DCC: variants seen among roughly 807,000 people sequenced by gnomAD.
DCC encodes netrin receptor DCC.
In DCC, 58 loss-of-function variants were observed where a neutral mutation model predicts 172.5. That is an observed-to-expected ratio of 0.34 (90% CI 0.27 to 0.42). DCC has a LOEUF of 0.42. Among genes scored for constraint, DCC ranks in the 10% least tolerant of loss-of-function variants. The probability of loss-of-function intolerance (pLI) is 1.00; values close to 1 mark genes in which losing one functional copy is unlikely to be tolerated. For synonymous variants in DCC, 709 were observed against 644.5 expected (o/e 1.10, Z -1.52); for missense variants, 1,740 against 1,791.0 (o/e 0.97, Z 0.51).
intron 27 of DCC, 53 bp downstream of exon 27, chr18:53,499,563 A>G: frequency 7.0e-7 from 1 of 1,420,856 alleles, no homozygotes; most frequent in Non-Finnish European, 1.0e-6. Flanking sequence ...TGGTGCCTCT[A>G]TTTAAGTGCA....
chr18:52,856,584 C>T (rs1170265722), intron 2 of DCC, among the ~76,000 whole-genome samples: 1 of 135,858 alleles, frequency 7.4e-6, no homozygotes, highest in Non-Finnish European at 1.5e-5. Flanking sequence ...CGGGATTGCG[C>T]CACTGCACTC....
chr18:53,384,319 A>G (rs1245032125), intron 15 of DCC, among the ~76,000 whole-genome samples: 1 of 152,146 alleles, frequency 6.6e-6, no homozygotes, highest in African/African-American at 2.4e-5. Flanking sequence ...ATAAAGCCTG[A>G]TAATCTAATT....
At chr18:52,896,537 G>A (rs2039733250) in intron 2 of DCC, among the ~76,000 whole-genome samples, 1 of 152,168 alleles carries the variant, frequency 6.6e-6, no homozygotes, top group Non-Finnish European at 1.5e-5. Flanking sequence ...AGTATAATTT[G>A]ATTAGATTTT....
intron 1 of DCC, among the ~76,000 whole-genome samples, chr18:52,425,426 T>C (rs528585854): frequency 6.6e-6 from 1 of 152,110 alleles, no homozygotes; most frequent in Non-Finnish European, 1.5e-5. Context: ...TTGCAGAGTT[T>C]CAGTTGGTGT....
chr18:52,660,035 C>T (rs933940240), intron 1 of DCC, among the ~76,000 whole-genome samples: 3 of 151,984 alleles, frequency 2.0e-5, no homozygotes, highest in African/African-American at 7.2e-5. Flanking sequence ...AATTTTTTGC[C>T]TTCGAATTCC....
intron 1 of DCC, among the ~76,000 whole-genome samples, chr18:52,735,348 CT>C (rs2036708931): frequency 1.3e-5 from 2 of 152,152 alleles, no homozygotes; most frequent in South Asian, 4.1e-4. Context: ...GAATCACTTA[CT>C]TTGTCCCTCT....
chr18:52,618,431 G>A (rs1598961595), intron 1 of DCC, among the ~76,000 whole-genome samples: 1 of 152,130 alleles, frequency 6.6e-6, no homozygotes, highest in East Asian at 1.9e-4. Flanking sequence ...ACCAAAAAAT[G>A]TCTCTCTCTA....
intron 1 of DCC, among the ~76,000 whole-genome samples, chr18:52,694,212 G>A (rs79765649): frequency 0.03 from 4,583 of 152,050 alleles, 243 homozygotes; most frequent in African/African-American, 0.1. Context: ...TTTGCAAAAC[G>A]CCTGGCCAGT....
At chr18:53,432,182 T>A (rs909561712) in intron 21 of DCC, among the ~76,000 whole-genome samples, 1 of 152,168 alleles carries the variant, frequency 6.6e-6, no homozygotes, top group South Asian at 2.1e-4. Context: ...AGTAGTAAGT[T>A]TATAGTAATA....
chr18:52,816,774 T>C (rs1206862066), intron 2 of DCC: 1 of 152,172 alleles, frequency 6.6e-6, no homozygotes, highest in South Asian at 2.1e-4. Flanking sequence ...TTATATTTCC[T>C]GAAACACCAG....
At chr18:53,332,188 A>G (rs1339024311) in intron 14 of DCC, among the ~76,000 whole-genome samples, 1 of 152,210 alleles carries the variant, frequency 6.6e-6, no homozygotes, top group African/African-American at 2.4e-5. Context: ...AGAGCTGTCA[A>G]AACTCCCTTT....
chr18:52,501,271 G>T (rs16955089), intron 1 of DCC, among the ~76,000 whole-genome samples: 8,707 of 152,130 alleles, frequency 0.057, 304 homozygotes, highest in South Asian at 0.12. Flanking sequence ...GATGGAGCAG[G>T]TATCTGGCAC....
At chr18:52,823,579 G>A (rs1226113183) in intron 2 of DCC, among the ~76,000 whole-genome samples, 1 of 152,078 alleles carries the variant, frequency 6.6e-6, no homozygotes, top group Non-Finnish European at 1.5e-5. Flanking sequence ...ACTTACTAAG[G>A]TGGGAGATGT....
intron 13 of DCC, among the ~76,000 whole-genome samples, chr18:53,318,922 A>G (rs1568053366): frequency 6.6e-6 from 1 of 152,174 alleles, no homozygotes; most frequent in African/African-American, 2.4e-5. Flanking sequence ...TCTCTGCAGA[A>G]ACACTGCAAG....
At chr18:52,983,592 C>A (rs1223694863) in intron 5 of DCC, among the ~76,000 whole-genome samples, 1 of 152,112 alleles carries the variant, frequency 6.6e-6, no homozygotes, top group Non-Finnish European at 1.5e-5. Flanking sequence ...CACCCGTCAC[C>A]TTCTTTTCCT....
intron 15 of DCC, among the ~76,000 whole-genome samples, chr18:53,381,080 GTC>G (rs1456194616): frequency 3.9e-5 from 6 of 152,178 alleles, no homozygotes; most frequent in African/African-American, 1.2e-4. Context: ...ATTAGCAAGA[GTC>G]TGTTTTGGAA....
At position 53,156,033 on chromosome 18, in the gene DCC, A is replaced by T. The variant is rs143462706; in HGVS notation, c.1262-1323A>T. ...GGTTACCTGAAGCATTTATGAATACAGGTAAGTCTGTGGCTATGTTATAGA... is the reference window on the plus strand; with the variant it reads ...GGTTACCTGAAGCATTTATGAATACTGGTAAGTCTGTGGCTATGTTATAGA... On this transcript the variant is annotated intron_variant, in intron 7 of 28. Transcript: ENST00000442544. 5.9e-5 allele frequency among the ~76,000 whole-genome samples: 9 copies of T among 152,350 alleles called. No individual in the cohort carries two copies. The East Asian group carries it at 1.2e-3, about 20-fold the overall frequency.
chr18:53,235,503 G>A lies in DCC; in HGVS notation c.1911+19906G>A, dbSNP rs529981728. Among the ~76,000 whole-genome samples, 3 of 152,084 alleles carry A rather than the reference G, an allele frequency of 2.0e-5. No homozygotes were observed. The South Asian group carries it at 6.2e-4, about 32-fold the overall frequency. On this transcript the variant is annotated intron_variant, in intron 12 of 28. Coordinates refer to ENST00000442544, the MANE Select transcript of DCC (RefSeq NM_005215.4). ...TAAGCATTCTTTTTTGTTTGTTTCT[G>A]GAAAGATTGACAGAGAAAACTATGA...
intron 5 of DCC, among the ~76,000 whole-genome samples, chr18:52,980,979 C>T (rs921597054): frequency 2.7e-5 from 4 of 149,016 alleles, no homozygotes; most frequent in Non-Finnish European, 5.9e-5. Context: ...AACAATAATG[C>T]CAGGAAGGTA....
Sources: gnomAD v4.1 joint callset for allele counts (sites outside exome capture counted in the v4.1 genomes callset) on GRCh38, gnomAD v4.1.1 for gene constraint, MANE v1.5 for transcripts, NCBI Gene and HGNC (gene_info 2026-07-23, HGNC 2026-07-21) for gene names.